Variants in PCDH9 observed in about 807,000 individuals in gnomAD.
PCDH9 encodes the protein protocadherin-9.
PCDH9 carries 24 observed loss-of-function variants against 70.6 expected under a neutral mutation model. The ratio of observed to expected loss-of-function variants is 0.34; its 90% confidence interval spans 0.25 to 0.48. The LOEUF is 0.48. Ranked by LOEUF, PCDH9 falls within the 20% of genes least tolerant of loss-of-function variation. The probability of loss-of-function intolerance (pLI) is 0.99; values close to 1 mark genes in which losing one functional copy is unlikely to be tolerated. For missense variants in PCDH9, 1,281 were observed against 1,503.6 expected (o/e 0.85, Z 2.45); for synonymous variants, 562 against 558.5 (o/e 1.01, Z -0.09).
intron 4 of PCDH9, among the ~76,000 whole-genome samples, chr13:66,587,212 C>A (rs1566438810): frequency 6.6e-6 from 1 of 151,934 alleles, no homozygotes; most frequent in Non-Finnish European, 1.5e-5. Context: ...GTAAGAGGAT[C>A]CCTTGAGCCC....
chr13:66,752,027 C>G (rs1359118278), intron 3 of PCDH9, among the ~76,000 whole-genome samples: 1 of 152,044 alleles, frequency 6.6e-6, no homozygotes, highest in African/African-American at 2.4e-5. Flanking sequence ...ACAGGGAAGA[C>G]CACACAGAGG....
In PCDH9 at chr13:66,774,060, G is replaced by A. The variant is rs929314587; in HGVS notation, c.3138+129444C>T. 2.6e-5 allele frequency among the ~76,000 whole-genome samples: 4 copies of A among 152,276 alleles called. No homozygotes were observed. The East Asian group carries it at 7.7e-4, about 29-fold the overall frequency. On this transcript the variant is annotated intron_variant, in intron 3 of 4. Transcript: ENST00000377865. ...CCCAAACTGCTGGGATTACAGGTATGAGCCACCGCACCCAGCCATTCCTGT... is the reference window on the plus strand; with the variant it reads ...CCCAAACTGCTGGGATTACAGGTATAAGCCACCGCACCCAGCCATTCCTGT...
At chr13:66,868,273 A>G (rs1327357530) in intron 3 of PCDH9, among the ~76,000 whole-genome samples, 1 of 152,058 alleles carries the variant, frequency 6.6e-6, no homozygotes, top group African/African-American at 2.4e-5. Context: ...TTACCATGAC[A>G]AAATTCTATA....
intron 2 of PCDH9, among the ~76,000 whole-genome samples, chr13:67,009,924 CCTTAAAA>C (rs2084422724): frequency 6.6e-6 from 1 of 151,866 alleles, no homozygotes; most frequent in Admixed American, 6.6e-5. Flanking sequence ...GTCCTACCAG[CCTTAAAA>C]TGTAAGGAGC....
At chr13:66,684,946 C>T (rs9599133) in intron 3 of PCDH9, among the ~76,000 whole-genome samples, 44,011 of 151,524 alleles carry the variant, frequency 0.29, 7,765 homozygotes, top group East Asian at 0.51. Context: ...ACAATGAAGT[C>T]GAGATGGAGG....
chr13:66,804,122 G>A (rs527527697), intron 3 of PCDH9, among the ~76,000 whole-genome samples: 10 of 152,294 alleles, frequency 6.6e-5, no homozygotes, highest in African/African-American at 2.2e-4. Context: ...TTTTCATTGA[G>A]AAGTCTTACT....
intron 4 of PCDH9, among the ~76,000 whole-genome samples, chr13:66,548,177 C>T (rs1961301880): frequency 1.3e-5 from 2 of 151,832 alleles, no homozygotes; most frequent in Non-Finnish European, 2.9e-5. Flanking sequence ...AATATTAGAG[C>T]CTCATAATTC....
chr13:66,883,026 C>T (rs1467381816), intron 3 of PCDH9, among the ~76,000 whole-genome samples: 1 of 151,998 alleles, frequency 6.6e-6, no homozygotes, highest in African/African-American at 2.4e-5. Flanking sequence ...AAATTAAATA[C>T]TTTTTCTCAT....
At chr13:66,881,178 GT>G (rs2081915403) in intron 3 of PCDH9, among the ~76,000 whole-genome samples, 1 of 152,212 alleles carries the variant, frequency 6.6e-6, no homozygotes, top group South Asian at 2.1e-4. Flanking sequence ...ATAACTTGCA[GT>G]TTTGATTTAT....
chr13:67,119,266 G>A (rs749180427), intron 2 of PCDH9, among the ~76,000 whole-genome samples: 12 of 152,016 alleles, frequency 7.9e-5, no homozygotes, highest in South Asian at 2.1e-4. Context: ...GATCTTAGCC[G>A]GGATTTAAAT....
At chr13:66,846,757 A>T (rs9540934) in intron 3 of PCDH9, among the ~76,000 whole-genome samples, 17,844 of 152,068 alleles carry the variant, frequency 0.12, 1,245 homozygotes, top group Middle Eastern at 0.2. Flanking sequence ...CAAAATTATC[A>T]ACAATTTTTA....
intron 4 of PCDH9, among the ~76,000 whole-genome samples, chr13:66,379,833 T>C (rs1956813194): frequency 6.6e-6 from 1 of 152,122 alleles, no homozygotes; most frequent in Non-Finnish European, 1.5e-5. Context: ...CTTTCCAGAA[T>C]TATTTCTTAA....
In PCDH9 at chr13:66,689,754, G is replaced by A. The variant is rs113652189; in HGVS notation, c.3139-58343C>T. On this transcript the variant is annotated intron_variant, in intron 3 of 4. Transcript: ENST00000377865. ...AAATTTTAATAGACAACCGCAGGCTGAGGGCTCATTCTTTATAATCTGATC... is the reference window on the plus strand; with the variant it reads ...AAATTTTAATAGACAACCGCAGGCTAAGGGCTCATTCTTTATAATCTGATC... Among the ~76,000 whole-genome samples, 968 of 152,202 alleles carry A rather than the reference G, an allele frequency of 6.4e-3. 9 individuals are homozygous for A. Among genetic ancestry groups the A allele is most frequent in the African/African-American group, 0.022 (908 of 41,528 alleles).
chr13:66,578,169 A>G (rs1409711766), intron 4 of PCDH9, among the ~76,000 whole-genome samples: 1 of 152,092 alleles, frequency 6.6e-6, no homozygotes, highest in African/African-American at 2.4e-5. Context: ...AAGTAGAAAA[A>G]TTTACTCTTT....
chr13:66,413,686 A>T (rs1027903425), intron 4 of PCDH9, among the ~76,000 whole-genome samples: 11 of 151,996 alleles, frequency 7.2e-5, no homozygotes, highest in Non-Finnish European at 1.5e-4. Context: ...ACTCCATCTT[A>T]AAAAAATAAA....
chr13:66,547,218 C>T (rs1168420267), intron 4 of PCDH9, among the ~76,000 whole-genome samples: 1 of 152,182 alleles, frequency 6.6e-6, no homozygotes, highest in Admixed American at 6.5e-5. Flanking sequence ...ATTGAGATCA[C>T]AGTAAAGCTT....
intron 4 of PCDH9, among the ~76,000 whole-genome samples, chr13:66,528,571 G>T (rs760504635): frequency 6.6e-6 from 1 of 152,126 alleles, no homozygotes; most frequent in Non-Finnish European, 1.5e-5. Flanking sequence ...TTCTAAGCCA[G>T]TCATACCTTT....
chr13:66,406,590 T>C (rs1957284767), intron 4 of PCDH9, among the ~76,000 whole-genome samples: 2 of 152,200 alleles, frequency 1.3e-5, no homozygotes, highest in Non-Finnish European at 1.5e-5. Context: ...ACTACACATA[T>C]TCATCTTCGT....
At position 66,866,647 on chromosome 13, in the gene PCDH9, A is replaced by C. The variant is rs138019863; in HGVS notation, c.3138+36857T>G. Among the ~76,000 whole-genome samples the C allele has an allele frequency of 9.0e-4, 137 of 151,720 alleles. No individual in the cohort carries two copies. In the East Asian group the frequency reaches 0.017, roughly 19 times the overall value. On this transcript the variant is annotated intron_variant, in intron 3 of 4. Transcript: ENST00000377865. Reference sequence around the variant, plus strand: ...CCCCATCTTTACTAAAAATACAAAAATTAGCCGGCCGTGGTGGCGAGCGCC... The same window carrying C: ...CCCCATCTTTACTAAAAATACAAAACTTAGCCGGCCGTGGTGGCGAGCGCC...
Sources: allele counts gnomAD v4.1 joint callset (sites outside exome capture counted in the v4.1 genomes callset), GRCh38; gene constraint gnomAD v4.1.1; transcripts MANE v1.5; gene names NCBI Gene and HGNC (gene_info 2026-07-23, HGNC 2026-07-21).